Variants in LRMDA observed in about 807,000 individuals in gnomAD.
LRMDA encodes the protein leucine rich melanocyte differentiation associated.
Under a neutral mutation model 29.8 loss-of-function variants are expected in LRMDA, and 18 were observed. The ratio of observed to expected loss-of-function variants is 0.60; its 90% confidence interval spans 0.42 to 0.90. The LOEUF is 0.90. LRMDA is among the 40% of genes least tolerant of loss of function. The pLI, the probability that LRMDA is intolerant of heterozygous loss-of-function variation, is 0.00. For missense variants in LRMDA, 273 were observed against 273.9 expected, an observed-to-expected ratio of 1.00 and a Z score of 0.02; for synonymous variants, 125 against 109.4, an observed-to-expected ratio of 1.14 and a Z score of -0.89.
chr10:75,808,865 G>C (rs1196258704), intron 2 of LRMDA, among the ~76,000 whole-genome samples: 1 of 152,150 alleles, frequency 6.6e-6, no homozygotes, highest in Non-Finnish European at 1.5e-5. Context: ...TTAGAATACT[G>C]CTTTGGTCAT....
At chr10:76,428,820 A>G (rs1215778244) in intron 6 of LRMDA, among the ~76,000 whole-genome samples, 1 of 152,196 alleles carries the variant, frequency 6.6e-6, no homozygotes, top group Non-Finnish European at 1.5e-5. Flanking sequence ...CAGCAACTTA[A>G]GGCTCTGCCA....
intron 5 of LRMDA, among the ~76,000 whole-genome samples, chr10:76,258,720 A>C (rs1839897496): frequency 6.6e-6 from 1 of 152,024 alleles, no homozygotes; most frequent in African/African-American, 2.4e-5. Context: ...GTGTTTAGTT[A>C]GTTCTGTTCC....
chr10:76,500,937 G>A lies in LRMDA; in HGVS notation c.602-56272G>A, dbSNP rs1842904406. Among the ~76,000 whole-genome samples the A allele has an allele frequency of 2.7e-5, 2 of 73,826 alleles. 1 individual carries two copies. The highest frequency in any genetic ancestry group is 6.6e-5 in the African/African-American group (2 of 30,306). The allele number at this position is 73,826 out of a possible 152,430, so 48.4% of individuals were successfully genotyped here. On this transcript the variant is annotated intron_variant, in intron 6 of 6. Transcript: ENST00000611255. ...CAGGCTTGTTACATGGGTCTATTGC[G>A]TGATGCTGAGGTTTGGGATATGGAT...
At chr10:76,514,488 G>A (rs577624499) in intron 6 of LRMDA, among the ~76,000 whole-genome samples, 10 of 152,284 alleles carry the variant, frequency 6.6e-5, no homozygotes, top group Admixed American at 3.9e-4. Context: ...TACATCATGA[G>A]GCTTTCTGGA....
At chr10:75,652,241 C>A (rs918361135) in intron 2 of LRMDA, among the ~76,000 whole-genome samples, 3 of 152,202 alleles carry the variant, frequency 2.0e-5, no homozygotes, top group African/African-American at 7.2e-5. Context: ...AAATCCAAAC[C>A]TCCTGACGTT....
chr10:76,269,247 G>A (rs1840039853), intron 5 of LRMDA, among the ~76,000 whole-genome samples: 1 of 151,904 alleles, frequency 6.6e-6, no homozygotes, highest in Non-Finnish European at 1.5e-5. Context: ...CCATCTCCTT[G>A]GCCCTATCCC....
chr10:76,522,418 G>C (rs995928165), intron 6 of LRMDA, among the ~76,000 whole-genome samples: 2 of 152,280 alleles, frequency 1.3e-5, no homozygotes, highest in South Asian at 4.1e-4. Context: ...GTTCTAGAAC[G>C]GTGCCAGGGA....
chr10:75,709,833 A>G (rs1028834134), intron 2 of LRMDA, among the ~76,000 whole-genome samples: 7 of 152,172 alleles, frequency 4.6e-5, no homozygotes, highest in Non-Finnish European at 7.3e-5. Context: ...GCATTAAGGA[A>G]TATGGATTTG....
chr10:76,168,626 G>A (rs1352853709), intron 5 of LRMDA, among the ~76,000 whole-genome samples: 1 of 152,004 alleles, frequency 6.6e-6, no homozygotes, highest in African/African-American at 2.4e-5. Flanking sequence ...AAAAGGAAAG[G>A]AAAGGGGATG....
chr10:76,139,385 AT>A (rs1031563551), intron 5 of LRMDA, among the ~76,000 whole-genome samples: 7 of 151,648 alleles, frequency 4.6e-5, no homozygotes, highest in African/African-American at 1.2e-4. Flanking sequence ...CTGTTTAGTA[AT>A]TTTTTTTTCA....
At chr10:75,669,213 T>C (rs1474457781) in intron 2 of LRMDA, among the ~76,000 whole-genome samples, 1 of 152,184 alleles carries the variant, frequency 6.6e-6, no homozygotes, top group East Asian at 1.9e-4. Flanking sequence ...TGAGTTTGCT[T>C]TAACTGTGGC....
intron 2 of LRMDA, among the ~76,000 whole-genome samples, chr10:75,717,852 A>C (rs1414796993): frequency 6.6e-6 from 1 of 152,102 alleles, no homozygotes; most frequent in Non-Finnish European, 1.5e-5. Flanking sequence ...GTATTTTCTG[A>C]CCACCGAGTA....
intron 2 of LRMDA, among the ~76,000 whole-genome samples, chr10:75,443,565 G>C (rs980456186): frequency 2.0e-5 from 3 of 152,166 alleles, no homozygotes; most frequent in Non-Finnish European, 2.9e-5. Flanking sequence ...CCCACTTGAT[G>C]ATGGTGCATG....
At chr10:75,432,500 T>C (rs1326002208) in intron 1 of LRMDA, among the ~76,000 whole-genome samples, 3 of 152,266 alleles carry the variant, frequency 2.0e-5, no homozygotes, top group African/African-American at 7.2e-5. Flanking sequence ...CCAGCCACTC[T>C]GGGACCAGGT....
chr10:76,238,957 G>T (rs927551830), intron 5 of LRMDA, among the ~76,000 whole-genome samples: 1 of 152,018 alleles, frequency 6.6e-6, no homozygotes, highest in Non-Finnish European at 1.5e-5. Flanking sequence ...TAATAATATT[G>T]GTGGCAATCT....
intron 5 of LRMDA, among the ~76,000 whole-genome samples, chr10:76,137,325 C>A (rs567463267): frequency 6.6e-6 from 1 of 152,264 alleles, no homozygotes; most frequent in East Asian, 1.9e-4. Flanking sequence ...TGGACAATGT[C>A]TTTGTGCCTT....
intron 2 of LRMDA, among the ~76,000 whole-genome samples, chr10:75,790,209 G>T (rs1843542088): frequency 6.6e-6 from 1 of 152,084 alleles, no homozygotes. Context: ...CACATCCTTG[G>T]CTACCCACTA....
intron 2 of LRMDA, among the ~76,000 whole-genome samples, chr10:75,730,533 T>C (rs1247554863): frequency 6.6e-6 from 1 of 152,228 alleles, no homozygotes; most frequent in Admixed American, 6.5e-5. Context: ...CAAACAGGAC[T>C]GCTGCAGTCT....
rs1012672920 is a variant in LRMDA, at chr10:75,817,036, G to A, written c.132-218972G>A. Reference sequence around the variant, plus strand: ...ACTGGGAACAGAAAATTTGATCCACGTTGCATGGTCTACTCCTGGCCTCAT... The same window carrying A: ...ACTGGGAACAGAAAATTTGATCCACATTGCATGGTCTACTCCTGGCCTCAT... On this transcript the variant is annotated intron_variant, in intron 2 of 6. Coordinates refer to ENST00000611255, the MANE Select transcript of LRMDA (RefSeq NM_001305581.2). 7.2e-5 allele frequency among the ~76,000 whole-genome samples: 11 copies of A among 152,162 alleles called. 1 individual carries two copies. Among genetic ancestry groups the A allele is most frequent in the South Asian group, 4.1e-4 (2 of 4,824 alleles).
Sources: gnomAD v4.1 joint callset for allele counts (sites outside exome capture counted in the v4.1 genomes callset) on GRCh38, gnomAD v4.1.1 for gene constraint, MANE v1.5 for transcripts, NCBI Gene and HGNC (gene_info 2026-07-23, HGNC 2026-07-21) for gene names.